Variants in RBFOX1 observed in about 807,000 individuals in gnomAD.
RBFOX1 encodes the protein RNA binding protein fox-1 homolog 1.
Under a neutral mutation model 57.7 loss-of-function variants are expected in RBFOX1, and 8 were observed. That is an observed-to-expected ratio of 0.14 (90% confidence interval 0.08 to 0.25). RBFOX1 has a LOEUF of 0.25. RBFOX1 is among the 10% of genes least tolerant of loss of function. RBFOX1 has a pLI of 1.00. For synonymous variants in RBFOX1, 326 were observed against 222.4 expected (o/e 1.47, Z -4.15); for missense variants, 611 against 548.5 (o/e 1.11, Z -1.14).
chr16:6,290,374 C>T (rs180998779), intron 1 of RBFOX1, among the ~76,000 whole-genome samples: 135 of 151,276 alleles, frequency 8.9e-4, no homozygotes, highest in African/African-American at 1.4e-3. Flanking sequence ...AAATTGTGAC[C>T]ATAGCATTTT....
intron 3 of RBFOX1, among the ~76,000 whole-genome samples, chr16:6,875,191 A>G (rs1307735396): frequency 6.6e-6 from 1 of 152,336 alleles, no homozygotes; most frequent in African/African-American, 2.4e-5. Context: ...TCTTTGTATT[A>G]TTATAGTGCT....
At chr16:6,461,186 C>T (rs1385976188) in intron 2 of RBFOX1, among the ~76,000 whole-genome samples, 1 of 152,116 alleles carries the variant, frequency 6.6e-6, no homozygotes, top group East Asian at 1.9e-4. Context: ...CTGATAGGTG[C>T]AGCAGCCCAT....
intron 2 of RBFOX1, among the ~76,000 whole-genome samples, chr16:5,475,945 C>G (rs1447577725): frequency 6.6e-6 from 1 of 152,196 alleles, no homozygotes; most frequent in East Asian, 1.9e-4. Flanking sequence ...GTGGCTCTAG[C>G]TCTTAACCAT....
At chr16:5,390,286 T>C (rs1299580042) in intron 1 of RBFOX1, among the ~76,000 whole-genome samples, 1 of 53,130 alleles carries the variant, frequency 1.9e-5, no homozygotes, top group East Asian at 3.6e-4. Context: ...AGTAGTTTTT[T>C]TTTTCTTTTT....
At chr16:5,574,686 C>T (rs907924875) in intron 2 of RBFOX1, among the ~76,000 whole-genome samples, 1 of 152,170 alleles carries the variant, frequency 6.6e-6, no homozygotes, top group African/African-American at 2.4e-5. Context: ...CCACCTCGGC[C>T]TCCCAAAATG....
At chr16:5,829,645 G>C (rs2056195109) in intron 3 of RBFOX1, among the ~76,000 whole-genome samples, 1 of 152,148 alleles carries the variant, frequency 6.6e-6, no homozygotes, top group African/African-American at 2.4e-5. Flanking sequence ...GATCTCCCAT[G>C]GGCTGTGTAG....
At chr16:6,226,093 C>G (rs908785642) in intron 1 of RBFOX1, among the ~76,000 whole-genome samples, 2 of 151,652 alleles carry the variant, frequency 1.3e-5, no homozygotes, top group African/African-American at 4.8e-5. Flanking sequence ...GGTGCAGTGG[C>G]TCATGCCTGT....
chr16:6,638,022 C>T (rs2098459175), intron 2 of RBFOX1, among the ~76,000 whole-genome samples: 1 of 152,094 alleles, frequency 6.6e-6, no homozygotes, highest in South Asian at 2.1e-4. Flanking sequence ...ACATGTTTGA[C>T]TGAAGTATCT....
chr16:7,672,343 G>A (rs937168013), intron 13 of RBFOX1, among the ~76,000 whole-genome samples: 13 of 152,264 alleles, frequency 8.5e-5, no homozygotes, highest in Admixed American at 5.2e-4. Flanking sequence ...AGAGTTGTAG[G>A]ACATTACTTT....
At chr16:5,328,978 T>A (rs533550672) in intron 1 of RBFOX1, among the ~76,000 whole-genome samples, 1 of 152,372 alleles carries the variant, frequency 6.6e-6, no homozygotes, top group African/African-American at 2.4e-5. Flanking sequence ...CTCATAAATC[T>A]GTCTCTTGGT....
At chr16:6,660,905 T>C (rs1440134661) in intron 3 of RBFOX1, among the ~76,000 whole-genome samples, 1 of 152,134 alleles carries the variant, frequency 6.6e-6, no homozygotes, top group Admixed American at 6.5e-5. Flanking sequence ...CTTGGAAATA[T>C]TTCACAAAGG....
intron 3 of RBFOX1, among the ~76,000 whole-genome samples, chr16:6,924,169 A>AAT (rs2075076135): frequency 2.7e-5 from 4 of 146,742 alleles, no homozygotes; most frequent in African/African-American, 7.6e-5. Context: ...TCTGTCTCAA[A>AAT]AATAATAATA....
intron 1 of RBFOX1, among the ~76,000 whole-genome samples, chr16:5,362,259 C>T (rs1227091583): frequency 1.3e-5 from 2 of 152,092 alleles, no homozygotes; most frequent in African/African-American, 2.4e-5. Context: ...GGCACGATCT[C>T]AGCTCACTGC....
intron 1 of RBFOX1, among the ~76,000 whole-genome samples, chr16:5,362,073 C>G (rs2065567479): frequency 6.6e-6 from 1 of 152,192 alleles, no homozygotes; most frequent in Non-Finnish European, 1.5e-5. Flanking sequence ...GAACATTTAA[C>G]TTAATATTGA....
At chr16:7,704,937 C>A (rs116400212) in intron 14 of RBFOX1, among the ~76,000 whole-genome samples, 1 of 151,556 alleles carries the variant, frequency 6.6e-6, no homozygotes, top group African/African-American at 2.4e-5. Context: ...ATCCCAGCAA[C>A]TGGGGAGGCT....
At chr16:6,833,168 T>A (rs1283001063) in intron 3 of RBFOX1, among the ~76,000 whole-genome samples, 2 of 151,694 alleles carry the variant, frequency 1.3e-5, no homozygotes, top group African/African-American at 4.8e-5. Context: ...ATTTTATTTT[T>A]ATTTATTTAT....
chr16:7,367,487 C>T (rs28658399), intron 4 of RBFOX1, among the ~76,000 whole-genome samples: 2,815 of 152,232 alleles, frequency 0.018, 83 homozygotes, highest in African/African-American at 0.06. Flanking sequence ...CGTGGCCTCT[C>T]AGGAAAGAGA....
At chr16:6,633,938 C>T (rs141628612) in intron 2 of RBFOX1, among the ~76,000 whole-genome samples, 2 of 152,144 alleles carry the variant, frequency 1.3e-5, no homozygotes, top group African/African-American at 2.4e-5. Context: ...TTGCTTGAGG[C>T]CAGGGGGTGG....
chr16:6,267,168 C>T (rs1056503440), intron 1 of RBFOX1, among the ~76,000 whole-genome samples: 1 of 151,604 alleles, frequency 6.6e-6, no homozygotes, highest in Non-Finnish European at 1.5e-5. Context: ...GGATCCCAGT[C>T]AGGAATCTGA....
Sources: allele counts gnomAD v4.1 joint callset (sites outside exome capture counted in the v4.1 genomes callset), GRCh38; gene constraint gnomAD v4.1.1; transcripts MANE v1.5; gene names NCBI Gene and HGNC (gene_info 2026-07-23, HGNC 2026-07-21).